The following IFT172 variants were observed in gnomAD, a reference collection of about 807,000 sequenced individuals.
The protein encoded by IFT172 is intraflagellar transport 172, also known as intraflagellar transport protein 172 homolog.
A neutral mutation model predicts 248.9 loss-of-function variants in IFT172; 164 were observed. That is an observed-to-expected ratio of 0.66 (90% CI 0.58 to 0.75). IFT172 has a LOEUF of 0.75. Ranked by LOEUF, IFT172 falls within the 30% of genes least tolerant of loss-of-function variation. The pLI is 0.00. For missense variants in IFT172, 1,950 were observed against 2,192.4 expected (o/e 0.89, Z 2.21); for synonymous variants, 729 against 791.6 (o/e 0.92, Z 1.33).
At chr2:27,468,862 G>GAAAAAAAAAAAA (rs76677863) in intron 16 of IFT172, among the ~76,000 whole-genome samples, 1 of 127,926 alleles carries the variant, frequency 7.8e-6, no homozygotes, top group Admixed American at 7.9e-5. Flanking sequence ...AAAAAAAAAA[G>GAAAAAAAAAAAA]AAAAAAAAAA....
intron 16 of IFT172, 184 bp from the exon 17 acceptor site, chr2:27,466,066 G>A: frequency 1.5e-6 from 1 of 682,190 alleles, no homozygotes; most frequent in Non-Finnish European, 2.5e-6. Flanking sequence ...AATATCCTTG[G>A]GTTAAAGTAT....
chr2:27,447,386 GAAGCTGA>G, intron 42 of IFT172, 122 bp downstream of exon 42: 2 of 1,354,040 alleles, frequency 1.5e-6, no homozygotes, highest in East Asian at 4.6e-5. Context: ...AGACAGAAGA[GAAGCTGA>G]AAGACAGGTG....
At chr2:27,450,671 A>C (rs1419412118) in intron 35 of IFT172, among the ~76,000 whole-genome samples, 1 of 152,056 alleles carries the variant, frequency 6.6e-6, no homozygotes, top group Non-Finnish European at 1.5e-5. Flanking sequence ...GCTCACTGCA[A>C]CCTCTCCCTC....
chr2:27,485,695 G>T (rs931272810), intron 1 of IFT172, among the ~76,000 whole-genome samples, 192 bp from the exon 2 acceptor site: 9 of 152,200 alleles, frequency 5.9e-5, no homozygotes, highest in African/African-American at 2.2e-4. Flanking sequence ...AGAACAACAG[G>T]CTTCTAGAGA....
intron 20 of IFT172, among the ~76,000 whole-genome samples, 172 bp downstream of exon 20, chr2:27,462,529 A>G (rs1327274733): frequency 2.0e-5 from 3 of 152,214 alleles, no homozygotes; most frequent in Admixed American, 2.0e-4. Context: ...CTGACACAAG[A>G]GAAGGAAATT....
Position 27,465,784 on chromosome 2 carries a change from G to A in IFT172, c.1791C>T (p.Ile597=), listed in dbSNP as rs747273253. The A allele has an allele frequency of 1.6e-5, 26 of 1,613,898 alleles. No homozygotes were observed. The highest frequency in any genetic ancestry group is 1.2e-4 in the Admixed American group (7 of 59,988). The change falls in exon 17 of 48, where the codon ATC becomes ATT. Residue 597 remains isoleucine, a synonymous_variant. Coordinates refer to ENST00000260570, the MANE Select transcript of IFT172 (RefSeq NM_015662.3). ...CATCATCAATGGCTGTTCCAAACTC[G>A]ATGAGGCCCTCATCCAATGTGTAGG... ...TVAYTLDEGL[I]EFGTAIDDGN... is the part of the protein sequence containing the mutation.
At chr2:27,451,979 A>ATG (rs931015943) in intron 35 of IFT172, among the ~76,000 whole-genome samples, 13 of 116,540 alleles carry the variant, frequency 1.1e-4, no homozygotes, top group African/African-American at 3.4e-4. Context: ...ATATATATGT[A>ATG]TGTGTGTGTG....
chr2:27,459,270 G>T, intron 25 of IFT172, 108 bp downstream of exon 25: 1 of 1,377,126 alleles, frequency 7.3e-7, no homozygotes, highest in Non-Finnish European at 9.9e-7. Context: ...GCTGTTTGGA[G>T]CCCAGAAAGA....
intron 15 of IFT172, 70 bp downstream of exon 15, chr2:27,472,180 C>T (rs1667619670): frequency 9.6e-7 from 1 of 1,042,544 alleles, no homozygotes. Context: ...CTCCCTCAGT[C>T]CCTGGTGGCA....
intron 18 of IFT172, among the ~76,000 whole-genome samples, chr2:27,464,342 ATAC>A (rs1033038614): frequency 1.3e-5 from 2 of 152,154 alleles, no homozygotes; most frequent in Admixed American, 1.3e-4. Flanking sequence ...TATGAGGCAA[ATAC>A]TATTATTAAC....
At chr2:27,483,125 T>C (rs986525180) in intron 7 of IFT172, among the ~76,000 whole-genome samples, 164 bp downstream of exon 7, 3 of 151,972 alleles carry the variant, frequency 2.0e-5, no homozygotes, top group African/African-American at 7.3e-5. Context: ...CACTTCGGCT[T>C]CCTGAGTAGC....
intron 40 of IFT172, 50 bp from the exon 41 acceptor site, chr2:27,447,972 A>G (rs1665302399): frequency 8.5e-7 from 1 of 1,181,564 alleles, no homozygotes; most frequent in Non-Finnish European, 1.3e-6. Context: ...GCTAGAAGAG[A>G]AAGTCACTGG....
Position 27,459,720 on chromosome 2 carries a change from G to T in IFT172, c.2631C>A (p.Tyr877Ter). 1 of 1,612,572 alleles carries T rather than the reference G, an allele frequency of 6.2e-7. No homozygotes were observed. Residue 877 changes from tyrosine to a stop codon, truncating the protein, a stop_gained, in exon 24 of 48, where the codon TAC becomes TAA. Coordinates refer to ENST00000260570, the MANE Select transcript of IFT172 (RefSeq NM_015662.3). LOFTEE classifies it high-confidence loss of function. ...CCATACTCCCATACCTGGCTTCGAT[G>T]TAGTGATTAATGGCTGCATCAAGCT... is the stretch of plus-strand genomic sequence containing the variant. ...QKQLDAAINHYIEARCSIKAI... is the reference protein window; with the variant it reads ...QKQLDAAINH
In IFT172 at chr2:27,472,278, T is replaced by C; in HGVS notation, c.1496A>G (p.Lys499Arg). 6.2e-7 allele frequency: 1 copy of C among 1,614,110 alleles called. No individual in the cohort carries two copies. The highest frequency in any genetic ancestry group is 8.5e-7 in the Non-Finnish European group (1 of 1,179,956). The change falls in exon 15 of 48, where the codon AAG becomes AGG. Residue 499 changes from lysine to arginine, a missense_variant. Coordinates refer to ENST00000260570, the MANE Select transcript of IFT172 (RefSeq NM_015662.3). ...DWLELNETGHKLLFRDRKLRL... is the reference protein window; with the variant it reads ...DWLELNETGHRLLFRDRKLRL... ...AAGTTTCCGGTCCCTGAAGAGGAGC[T>C]TGTGTCCAGTCTCATTAAGTTCCAG...
chr2:27,477,534 T>G, intron 12 of IFT172, 25 bp downstream of exon 12: 4 of 1,541,368 alleles, frequency 2.6e-6, no homozygotes, highest in Non-Finnish European at 3.6e-6. Flanking sequence ...ATCAAGATGG[T>G]GATGGTGAAT....
intron 16 of IFT172, chr2:27,466,165 G>T: frequency 2.7e-6 from 1 of 377,086 alleles, no homozygotes; most frequent in Non-Finnish European, 4.8e-6. Flanking sequence ...ATATTCTTAA[G>T]GGATCTCTCA....
At chr2:27,477,887 G>T in intron 11 of IFT172, 108 bp downstream of exon 11, 1 of 1,397,180 alleles carries the variant, frequency 7.2e-7, no homozygotes, top group Non-Finnish European at 9.9e-7. Context: ...CCCTACACCA[G>T]AATGTTAGAA....
At chr2:27,459,060 G>T in intron 25 of IFT172, 192 bp from the exon 26 acceptor site, 1 of 654,944 alleles carries the variant, frequency 1.5e-6, no homozygotes, top group Non-Finnish European at 2.5e-6. Context: ...CCCAAACAGT[G>T]GAATCCAAAA....
chr2:27,447,398 CAGGT>C (rs1470097172), intron 42 of IFT172, 113 bp downstream of exon 42: 7 of 1,408,556 alleles, frequency 5.0e-6, no homozygotes, highest in Non-Finnish European at 3.9e-6. Context: ...AGCTGAAAGA[CAGGT>C]GGGGAGATTC....
Sources: gnomAD v4.1 joint callset for allele counts (sites outside exome capture counted in the v4.1 genomes callset) on GRCh38, gnomAD v4.1.1 for gene constraint, MANE v1.5 for transcripts, NCBI Gene and HGNC (gene_info 2026-07-23, HGNC 2026-07-21) for gene names.